The following NFATC1 variants were observed in gnomAD, a reference collection of about 807,000 sequenced individuals.
The protein encoded by NFATC1 is nuclear factor of activated T-cells, cytoplasmic 1.
NFATC1 carries 22 observed loss-of-function variants against 76.0 expected under a neutral mutation model. The ratio of observed to expected loss-of-function variants is 0.29; its 90% CI spans 0.21 to 0.41. NFATC1 has a LOEUF of 0.41. NFATC1 is among the 10% of genes least tolerant of loss of function. NFATC1 has a pLI of 1.00. For synonymous variants in NFATC1, 704 were observed against 613.1 expected (o/e 1.15, Z -2.19); for missense variants, 1,357 against 1,337.7 (o/e 1.01, Z -0.23).
At chr18:79,478,113 C>T (rs1284224921) in intron 8 of NFATC1, among the ~76,000 whole-genome samples, 1 of 119,352 alleles carries the variant, frequency 8.4e-6, no homozygotes, top group African/African-American at 3.1e-5. Flanking sequence ...GTTCTTGCCC[C>T]CAGGCCCCCC....
chr18:79,473,969 GCTCA>G lies in NFATC1; in HGVS notation c.2092+6390_2092+6393del, dbSNP rs1235737573. Among the ~76,000 whole-genome samples, 6 of 141,376 alleles carry G rather than the reference GCTCA, an allele frequency of 4.2e-5. 2 individuals are homozygous for G. Among genetic ancestry groups the G allele is most frequent in the African/African-American group, 1.7e-4 (6 of 36,152 alleles). 92.7% of individuals were successfully genotyped at this position (141,376 alleles called of 152,430 possible). A position where few individuals can be genotyped will look rare whatever the true frequency, so the allele number is the denominator to read the frequency against. On this transcript the variant is annotated intron_variant, in intron 8 of 9. Coordinates refer to ENST00000427363, the MANE Select transcript of NFATC1 (RefSeq NM_001278669.2). ...AAACCTGAGGGAAGCGTGTTCTCGC[GCTCA>G]CTGTCGACGTTGCGAGGGAAGCGTT...
At chr18:79,449,109 T>C (rs1194487659) in intron 4 of NFATC1, 125 bp downstream of exon 4, 4 of 841,976 alleles carry the variant, frequency 4.8e-6, no homozygotes, top group South Asian at 3.6e-5. Context: ...ACACTTTTGG[T>C]TTAACAGCCA....
In NFATC1 at chr18:79,450,921, G is replaced by A. The variant is rs183329788; in HGVS notation, c.1590-33G>A. ...CCTTTACGCTCCCGCGTCAGCCATT[G>A]AAAGAAAAGCTGTGGGCTTTTGTTT... On this transcript the variant is annotated intron_variant, in intron 4 of 9. Coordinates refer to ENST00000427363, the MANE Select transcript of NFATC1 (RefSeq NM_001278669.2). 1,295 of 1,598,980 alleles carry A rather than the reference G, an allele frequency of 8.1e-4. 2 individuals carry two copies. Among genetic ancestry groups the A allele is most frequent in the Non-Finnish European group, 9.9e-4 (1,160 of 1,169,576 alleles).
intron 3 of NFATC1, among the ~76,000 whole-genome samples, chr18:79,439,344 C>T (rs1040449792): frequency 4.6e-5 from 7 of 152,216 alleles, no homozygotes; most frequent in East Asian, 3.9e-4. Flanking sequence ...GCCGCTCCGG[C>T]CCCGCCCCAG....
At chr18:79,412,261 C>T (rs1279512445) in intron 2 of NFATC1, among the ~76,000 whole-genome samples, 2 of 152,192 alleles carry the variant, frequency 1.3e-5, no homozygotes, top group Non-Finnish European at 2.9e-5. Flanking sequence ...TGTGAGTGGC[C>T]CCTGAGAGTG....
intron 8 of NFATC1, among the ~76,000 whole-genome samples, chr18:79,484,855 G>T (rs1033152806): frequency 6.6e-6 from 1 of 152,158 alleles, no homozygotes; most frequent in African/African-American, 2.4e-5. Flanking sequence ...TGCGGGGGGG[G>T]AAGAGGGCGG....
intron 6 of NFATC1, among the ~76,000 whole-genome samples, chr18:79,455,966 G>C (rs950826717): frequency 4.6e-5 from 7 of 152,190 alleles, no homozygotes; most frequent in Non-Finnish European, 8.8e-5. Context: ...CTCCAAATCT[G>C]GGCCAAATGT....
rs182424984 is a variant in NFATC1 at position 79,495,620 on chromosome 18, T to C, written c.2782+8683T>C. On this transcript the variant is annotated intron_variant, in intron 9 of 9. Coordinates refer to ENST00000427363, the MANE Select transcript of NFATC1 (RefSeq NM_001278669.2). ...GCAATGAGCACTGTTTAGATCTATT[T>C]TGTGCCGAAGAAAATTCACGGCCAG... 1.4e-3 allele frequency among the ~76,000 whole-genome samples: 216 copies of C among 152,358 alleles called. 1 individual carries two copies. The highest frequency in any genetic ancestry group is 5.0e-3 in the African/African-American group (206 of 41,584).
chr18:79,403,941 T>C (rs1441523881), intron 1 of NFATC1, among the ~76,000 whole-genome samples: 1 of 152,170 alleles, frequency 6.6e-6, no homozygotes, highest in African/African-American at 2.4e-5. Flanking sequence ...TCAAGTTCAG[T>C]GTTTTAGGAA....
chr18:79,510,156 G>A (rs2145169403), intron 9 of NFATC1, among the ~76,000 whole-genome samples: 1 of 152,332 alleles, frequency 6.6e-6, no homozygotes, highest in African/African-American at 2.4e-5. Context: ...AATTCAGACA[G>A]GACAGCGAGC....
chr18:79,407,359 G>C (rs1224483927), intron 1 of NFATC1, among the ~76,000 whole-genome samples: 1 of 152,194 alleles, frequency 6.6e-6, no homozygotes, highest in Non-Finnish European at 1.5e-5. Flanking sequence ...GGCCAGGCTG[G>C]AGGCTGGAAT....
chr18:79,398,794 C>T (rs1055600146), intron 1 of NFATC1, among the ~76,000 whole-genome samples: 1 of 152,246 alleles, frequency 6.6e-6, no homozygotes, highest in Non-Finnish European at 1.5e-5. Context: ...ACAGGCCGGG[C>T]GCCGCGGCTC....
chr18:79,479,741 G>A, intron 8 of NFATC1, among the ~76,000 whole-genome samples: 1 of 152,268 alleles, frequency 6.6e-6, no homozygotes. Context: ...TCCCCTGTGG[G>A]TGCCGGGTGC....
intron 6 of NFATC1, among the ~76,000 whole-genome samples, chr18:79,455,313 G>T (rs1231896868): frequency 1.1e-4 from 16 of 152,236 alleles, no homozygotes; most frequent in Admixed American, 1.3e-4. Flanking sequence ...GGGTGGGGCT[G>T]CACGGGTCTC....
At chr18:79,492,542 T>C (rs886770670) in intron 9 of NFATC1, among the ~76,000 whole-genome samples, 1 of 152,078 alleles carries the variant, frequency 6.6e-6, no homozygotes, top group Non-Finnish European at 1.5e-5. Flanking sequence ...ACCCCATCTC[T>C]ACTAAAAATA....
intron 3 of NFATC1, among the ~76,000 whole-genome samples, chr18:79,448,105 C>T (rs1478719589): frequency 3.3e-5 from 5 of 152,260 alleles, no homozygotes; most frequent in African/African-American, 7.2e-5. Flanking sequence ...CACACGGCGC[C>T]GGCCGAGAAG....
At chr18:79,448,606 A>C (rs2087318453) in intron 3 of NFATC1, 176 bp from the exon 4 acceptor site, 2 of 653,318 alleles carry the variant, frequency 3.1e-6, no homozygotes, top group Non-Finnish European at 5.2e-6. Flanking sequence ...TTGGGATAAC[A>C]AGGCATTTTC....
At chr18:79,430,231 G>C (rs993769519) in intron 2 of NFATC1, among the ~76,000 whole-genome samples, 3 of 152,200 alleles carry the variant, frequency 2.0e-5, no homozygotes, top group African/African-American at 7.2e-5. Flanking sequence ...CTTATCTTTA[G>C]GAAATGTGTC....
chr18:79,416,226 C>A (rs766635717), intron 2 of NFATC1, among the ~76,000 whole-genome samples: 1 of 152,248 alleles, frequency 6.6e-6, no homozygotes, highest in Non-Finnish European at 1.5e-5. Flanking sequence ...GAAAGTTTCA[C>A]AGTTTATCAC....
Sources: allele counts gnomAD v4.1 joint callset (sites outside exome capture counted in the v4.1 genomes callset), GRCh38; gene constraint gnomAD v4.1.1; transcripts MANE v1.5; gene names NCBI Gene and HGNC (gene_info 2026-07-23, HGNC 2026-07-21).